RIMKLA: variants seen among roughly 807,000 people sequenced by gnomAD.
RIMKLA encodes the protein N-acetylaspartylglutamate synthase A.
Under a neutral mutation model 32.7 loss-of-function variants are expected in RIMKLA, and 14 were observed. The ratio of observed to expected loss-of-function variants is 0.43; its 90% CI spans 0.28 to 0.67. RIMKLA has a LOEUF of 0.67. RIMKLA is among the 30% of genes least tolerant of loss of function. The pLI, the probability that RIMKLA is intolerant of heterozygous loss-of-function variation, is 0.18. For missense variants in RIMKLA, 410 were observed against 519.0 expected, an observed-to-expected ratio of 0.79 and a Z score of 2.04; for synonymous variants, 176 against 204.1, an observed-to-expected ratio of 0.86 and a Z score of 1.18.
intron 1 of RIMKLA, among the ~76,000 whole-genome samples, chr1:42,392,251 C>T (rs1209562724): frequency 2.6e-5 from 4 of 152,150 alleles, no homozygotes; most frequent in African/African-American, 9.7e-5. Flanking sequence ...CTTTGCTCTC[C>T]CTGGACCCTG....
chr1:42,413,681 T>C (rs569850052), intron 4 of RIMKLA, among the ~76,000 whole-genome samples: 1 of 151,918 alleles, frequency 6.6e-6, no homozygotes, highest in African/African-American at 2.4e-5. Flanking sequence ...TATAGTCATA[T>C]TGTATAGTCT....
rs1238286070 is a variant in RIMKLA at position 42,420,423 on chromosome 1, T to G, written c.*5449T>G. The G allele has an allele frequency of 6.6e-6, 1 of 152,252 alleles. No homozygotes were observed. Among genetic ancestry groups the G allele is most frequent in the Non-Finnish European group, 1.5e-5 (1 of 68,062 alleles). The allele number at this position is 152,252 out of a possible 1,614,324, so 9.4% of individuals were successfully genotyped here. On this transcript the variant is annotated 3_prime_UTR_variant, in exon 5 of 5. Transcript: ENST00000431473. ...TATAGAATGTTCTTTTTATATACTA[T>G]GGAGGAATCTCCACTCACCTTCCAC...
intron 1 of RIMKLA, among the ~76,000 whole-genome samples, chr1:42,394,333 C>T (rs1643024047): frequency 6.6e-6 from 1 of 152,180 alleles, no homozygotes; most frequent in African/African-American, 2.4e-5. Context: ...TCCAAGGATG[C>T]ACATGTGTGC....
intron 2 of RIMKLA, among the ~76,000 whole-genome samples, chr1:42,400,777 C>G (rs2148390238): frequency 6.6e-6 from 1 of 152,200 alleles, no homozygotes; most frequent in Non-Finnish European, 1.5e-5. Flanking sequence ...ATAAATGAAT[C>G]TGGAGCTTCT....
At chr1:42,407,314 C>T (rs1643155864) in intron 3 of RIMKLA, among the ~76,000 whole-genome samples, 1 of 151,718 alleles carries the variant, frequency 6.6e-6, no homozygotes, top group Admixed American at 6.6e-5. Flanking sequence ...ATCTTTGATG[C>T]ACAAAAGTTT....
Position 42,380,840 on chromosome 1 carries a change from C to G in RIMKLA, c.-95C>G, listed in dbSNP as rs998767320. On this transcript the variant is annotated 5_prime_UTR_variant, in exon 1 of 5. Transcript: ENST00000431473. ...GGGAGCGGAGCCGTGGCGCGCTCGC[C>G]CCGGACGCCGGCCGCCCCTCCGCTC... 46 of 790,928 alleles carry G rather than the reference C, an allele frequency of 5.8e-5. No individual in the cohort carries two copies. The Admixed American group carries it at 1.1e-3, about 19-fold the overall frequency. 49.0% of individuals were successfully genotyped at this position (790,928 alleles called of 1,614,324 possible).
intron 3 of RIMKLA, among the ~76,000 whole-genome samples, chr1:42,409,740 T>G (rs2148394386): frequency 6.6e-6 from 1 of 152,320 alleles, no homozygotes; most frequent in Non-Finnish European, 1.5e-5. Flanking sequence ...CCTGGAATAA[T>G]CATTAAGTCA....
rs1436271606 is a variant in RIMKLA at position 42,381,096 on chromosome 1, C to A, written c.162C>A (p.Leu54=). The change falls in exon 1 of 5, where the codon CTC becomes CTA. Residue 54 remains leucine, a splice_region_variant and synonymous_variant. Coordinates refer to ENST00000431473, the MANE Select transcript of RIMKLA (RefSeq NM_173642.4). ...QIAVTIVGGH[L]GLQLNQKALT... The stretch of plus-strand genomic sequence containing the variant: ...CCGTCACCATCGTCGGCGGCCACCT[C>A]GGTGAGCGAGGCGGGCCCGGGGAGG... 4.8e-6 allele frequency: 6 copies of A among 1,249,438 alleles called. No individual in the cohort carries two copies. Among genetic ancestry groups the A allele is most frequent in the East Asian group, 3.2e-5 (1 of 31,666 alleles). The allele number at this position is 1,249,438 out of a possible 1,614,324, so 77.4% of individuals were successfully genotyped here.
Position 42,416,098 on chromosome 1 carries a change from GC to G in RIMKLA, c.*1125del, listed in dbSNP as rs1643246097. ...CATTGCACATTTTGCGGGGGGGGGG[GC>G]TAATGTAGACATGACACCAAGTGCT... On this transcript the variant is annotated 3_prime_UTR_variant, in exon 5 of 5. Coordinates refer to ENST00000431473, the MANE Select transcript of RIMKLA (RefSeq NM_173642.4). 1 of 129,286 alleles carries G rather than the reference GC, an allele frequency of 7.7e-6. No individual in the cohort carries two copies. The highest frequency in any genetic ancestry group is 1.7e-5 in the Non-Finnish European group (1 of 57,980). 8.0% of individuals were successfully genotyped at this position (129,286 alleles called of 1,614,324 possible).
chr1:42,414,469 G>A lies in RIMKLA; in HGVS notation c.686-15G>A. On this transcript the variant is annotated splice_polypyrimidine_tract_variant and intron_variant, in intron 4 of 4. Transcript: ENST00000431473. ...TCTCAGTTGTCACCTTTACATCACT[G>A]TGCTTTCCCCACAGGTGGCGTGGGC... 6.2e-7 allele frequency: 1 copy of A among 1,612,594 alleles called. No homozygotes were observed. Among genetic ancestry groups the A allele is most frequent in the Non-Finnish European group, 8.5e-7 (1 of 1,179,120 alleles).
At chr1:42,409,035 T>G (rs199603502) in intron 3 of RIMKLA, among the ~76,000 whole-genome samples, 1 of 151,300 alleles carries the variant, frequency 6.6e-6, no homozygotes, top group Non-Finnish European at 1.5e-5. Flanking sequence ...TGGTGAAACC[T>G]CATCTCTACT....
At chr1:42,410,821 G>A (rs1368010888) in intron 4 of RIMKLA, among the ~76,000 whole-genome samples, 1 of 127,644 alleles carries the variant, frequency 7.8e-6, no homozygotes, top group African/African-American at 2.7e-5. Context: ...TTATATGTTG[G>A]TGATAGGAAA....
chr1:42,390,631 C>T (rs1351470661), intron 1 of RIMKLA, among the ~76,000 whole-genome samples: 1 of 152,110 alleles, frequency 6.6e-6, no homozygotes, highest in East Asian at 1.9e-4. Context: ...TTTCTGATTG[C>T]TTCAGTTTTT....
chr1:42,397,517 G>A (rs1177684318), intron 1 of RIMKLA, among the ~76,000 whole-genome samples: 3 of 152,148 alleles, frequency 2.0e-5, no homozygotes, highest in Admixed American at 6.5e-5. Context: ...GAGACTGGGA[G>A]TTTGAGACCA....
At chr1:42,384,618 C>T (rs1642921132) in intron 1 of RIMKLA, among the ~76,000 whole-genome samples, 1 of 58,496 alleles carries the variant, frequency 1.7e-5, no homozygotes, top group East Asian at 5.2e-4. Context: ...TATATATATA[C>T]TATATATGTG....
Position 42,423,765 on chromosome 1 carries a change from C to T in RIMKLA, c.*8791C>T, listed in dbSNP as rs1353477388. 2.6e-5 allele frequency among the ~76,000 whole-genome samples: 4 copies of T among 152,206 alleles called. No homozygotes were observed. The highest frequency in any genetic ancestry group is 6.5e-5 in the Admixed American group (1 of 15,282). ...GCTGCTGGCACCCACTTGTCTATCA[C>T]GCTGGTATCCGCTGCTTTTCCTGCA... On this transcript the variant is annotated 3_prime_UTR_variant, in exon 5 of 5. Transcript: ENST00000431473.
intron 1 of RIMKLA, among the ~76,000 whole-genome samples, chr1:42,398,923 T>A (rs562885146): frequency 7.4e-6 from 1 of 135,274 alleles, no homozygotes; most frequent in South Asian, 2.3e-4. Flanking sequence ...GCCAAGATGA[T>A]GCCACTGCAC....
In RIMKLA at chr1:42,415,933, T is replaced by A. The variant is rs1643242626; in HGVS notation, c.*959T>A. ...GCTGTAGGGGGTTTTCTTGTATGAG[T>A]GGGTGTTGGAGGTCTATTGAGTAGA... On this transcript the variant is annotated 3_prime_UTR_variant, in exon 5 of 5. Transcript: ENST00000431473. 1 of 152,126 alleles carries A rather than the reference T, an allele frequency of 6.6e-6. No individual in the cohort carries two copies. The highest frequency in any genetic ancestry group is 1.5e-5 in the Non-Finnish European group (1 of 68,024). 9.4% of individuals were successfully genotyped at this position (152,126 alleles called of 1,614,324 possible). A position where few individuals can be genotyped will look rare whatever the true frequency, so the allele number is the denominator to read the frequency against.
intron 1 of RIMKLA, among the ~76,000 whole-genome samples, chr1:42,394,597 C>G (rs1032291831): frequency 3.3e-5 from 5 of 152,202 alleles, no homozygotes; most frequent in Non-Finnish European, 5.9e-5. Flanking sequence ...CTCTGCTTCC[C>G]TCTGTTGTTA....
Sources: allele counts gnomAD v4.1 joint callset (sites outside exome capture counted in the v4.1 genomes callset), GRCh38; gene constraint gnomAD v4.1.1; transcripts MANE v1.5; gene names NCBI Gene and HGNC (gene_info 2026-07-23, HGNC 2026-07-21).